The following TMEM164 variants were observed in gnomAD, a reference collection of about 807,000 sequenced individuals.
TMEM164 encodes the protein RP13-360B22.2.
TMEM164 carries 4 observed loss-of-function variants against 18.8 expected under a neutral mutation model. The observed-to-expected ratio is 0.21, with a 90% CI of 0.10 to 0.49. The LOEUF (loss-of-function observed/expected upper bound fraction) is 0.49, where lower values mean the gene tolerates loss of function less well. TMEM164 is among the 20% of genes least tolerant of loss of function. TMEM164 has a pLI of 0.98. For missense variants in TMEM164, 108 were observed against 239.9 expected (o/e 0.45, Z 3.63); for synonymous variants, 86 against 101.7 (o/e 0.85, Z 0.93).
chrX:110,141,857 T>G (rs993770546), intron 4 of TMEM164, among the ~76,000 whole-genome samples: 1 of 110,637 alleles, frequency 9.0e-6, no homozygotes, highest in Non-Finnish European at 1.9e-5. Context: ...CTCTTACATC[T>G]TCTTCCCTTT....
intron 3 of TMEM164, among the ~76,000 whole-genome samples, chrX:110,103,089 C>T (rs192709061): frequency 1.8e-5 from 2 of 112,492 alleles, no homozygotes; most frequent in East Asian, 5.5e-4. Flanking sequence ...TAAGCAGACT[C>T]AGTGTAGCAT....
chrX:110,019,669 T>C (rs1342854415), intron 2 of TMEM164, among the ~76,000 whole-genome samples: 1 of 112,199 alleles, frequency 8.9e-6, no homozygotes, highest in Admixed American at 9.5e-5. Flanking sequence ...TAATCAATCA[T>C]AGGCACGCTT....
At chrX:110,160,825 C>T (rs980505845) in intron 5 of TMEM164, among the ~76,000 whole-genome samples, 6 of 112,013 alleles carry the variant, frequency 5.4e-5, no homozygotes, top group Non-Finnish European at 1.1e-4. Flanking sequence ...ACTGCAACCT[C>T]CACCTCCTGG....
intron 3 of TMEM164, among the ~76,000 whole-genome samples, chrX:110,090,906 G>A (rs2065917952): frequency 9.7e-6 from 1 of 102,627 alleles, no homozygotes; most frequent in Non-Finnish European, 2.0e-5. Context: ...CCCTTCCTGT[G>A]TCCAAGTGTT....
At chrX:110,140,641 C>G (rs1323966580) in intron 4 of TMEM164, among the ~76,000 whole-genome samples, 2 of 112,100 alleles carry the variant, frequency 1.8e-5, no homozygotes, top group Non-Finnish European at 3.8e-5. Flanking sequence ...CTTTACCACT[C>G]TGGTCTTTTG....
At chrX:110,149,039 A>G (rs569201532) in intron 5 of TMEM164, among the ~76,000 whole-genome samples, 1 of 109,574 alleles carries the variant, frequency 9.1e-6, no homozygotes, top group East Asian at 2.8e-4. Flanking sequence ...CCACGTAACC[A>G]TGTGTGTTAT....
intron 2 of TMEM164, among the ~76,000 whole-genome samples, chrX:110,044,140 C>T (rs975819555): frequency 1.8e-5 from 2 of 112,212 alleles, no homozygotes; most frequent in East Asian, 2.8e-4. Context: ...AACCATAAGA[C>T]GAAAATCCAT....
Position 110,087,940 on chromosome X carries a change from T to A in TMEM164, c.440+20544T>A, listed in dbSNP as rs571818285. Among the ~76,000 whole-genome samples the A allele has an allele frequency of 3.6e-5, 4 of 111,420 alleles. No individual in the cohort carries two copies. In the South Asian group the frequency reaches 1.5e-3, roughly 42 times the overall value. ...GATGGAGAGAGGACTGTAGGCTGCA[T>A]GTGAGCCAAGGTAGACGAGGGAAGC... On this transcript the variant is annotated intron_variant, in intron 3 of 6. Transcript: ENST00000372068.
At chrX:110,145,910 C>T (rs1192186944) in intron 5 of TMEM164, among the ~76,000 whole-genome samples, 1 of 112,263 alleles carries the variant, frequency 8.9e-6, no homozygotes, top group East Asian at 2.8e-4. Flanking sequence ...AGATTTGCCT[C>T]CTATGCCTTG....
In TMEM164 at chrX:110,153,645, G is replaced by A. The variant is rs375761965; in HGVS notation, c.586+8769G>A. On this transcript the variant is annotated intron_variant, in intron 5 of 6. Coordinates refer to ENST00000372068, the MANE Select transcript of TMEM164 (RefSeq NM_032227.4). ...TGCTCAAGTCCCTAATGTAAATGAC[G>A]TAGTATTTGCATCTAACCTACACAC... Among the ~76,000 whole-genome samples, 13 of 112,385 alleles carry A rather than the reference G, an allele frequency of 1.2e-4. No homozygotes were observed. The East Asian group carries it at 3.6e-3, about 31-fold the overall frequency.
intron 6 of TMEM164, 80 bp from the exon 7 acceptor site, chrX:110,173,165 G>T: frequency 9.8e-7 from 1 of 1,019,023 alleles, no homozygotes; most frequent in Non-Finnish European, 1.4e-6. Context: ...TCCCCCATTA[G>T]GTAGAGATGG....
At chrX:110,146,242 G>A (rs1045363971) in intron 5 of TMEM164, among the ~76,000 whole-genome samples, 8 of 112,141 alleles carry the variant, frequency 7.1e-5, no homozygotes, top group African/African-American at 2.6e-4. Flanking sequence ...CTTCTGAGGT[G>A]TGTGATGGAA....
At chrX:110,105,735 G>C (rs12839120) in intron 3 of TMEM164, among the ~76,000 whole-genome samples, 7 of 81,351 alleles carry the variant, frequency 8.6e-5, no homozygotes, top group Admixed American at 3.1e-4. Flanking sequence ...CACACACAGA[G>C]AGAGAGAGAG....
chrX:110,143,868 C>T (rs955204531), intron 4 of TMEM164, among the ~76,000 whole-genome samples: 1 of 110,260 alleles, frequency 9.1e-6, no homozygotes, highest in Non-Finnish European at 1.9e-5. Flanking sequence ...ATTCTGTAAG[C>T]CCAAGAGGCT....
chrX:110,053,541 C>G (rs1410972570), intron 2 of TMEM164, among the ~76,000 whole-genome samples: 1 of 111,757 alleles, frequency 8.9e-6, no homozygotes, highest in East Asian at 2.8e-4. Flanking sequence ...ACACCTCTCC[C>G]CCACCATCAT....
chrX:110,081,687 A>G (rs2065759716), intron 3 of TMEM164, among the ~76,000 whole-genome samples: 1 of 112,701 alleles, frequency 8.9e-6, no homozygotes, highest in Non-Finnish European at 1.9e-5. Flanking sequence ...CCTATGTCTC[A>G]GTATACATGG....
intron 5 of TMEM164, among the ~76,000 whole-genome samples, chrX:110,156,540 C>A (rs749096252): frequency 9.0e-5 from 10 of 111,537 alleles, no homozygotes; most frequent in African/African-American, 2.9e-4. Context: ...GTATCATTAA[C>A]TGAGAAGAGG....
chrX:110,173,181 C>T, intron 6 of TMEM164, 64 bp from the exon 7 acceptor site: 1 of 1,125,011 alleles, frequency 8.9e-7, no homozygotes, highest in Non-Finnish European at 1.2e-6. Flanking sequence ...GATGGCTGAA[C>T]TGGCAGAAGC....
chrX:110,071,776 C>G (rs1181642590), intron 3 of TMEM164, among the ~76,000 whole-genome samples: 2 of 107,244 alleles, frequency 1.9e-5, no homozygotes. Context: ...TGTTGTGTGC[C>G]TGTAGTCCCA....
Sources: gnomAD v4.1 joint callset for allele counts (sites outside exome capture counted in the v4.1 genomes callset) on GRCh38, gnomAD v4.1.1 for gene constraint, MANE v1.5 for transcripts, NCBI Gene and HGNC (gene_info 2026-07-23, HGNC 2026-07-21) for gene names.